The following CHID1 variants were observed in gnomAD, a reference collection of about 807,000 sequenced individuals.
CHID1 encodes the protein chitinase domain-containing protein 1.
Under a neutral mutation model 55.4 loss-of-function variants are expected in CHID1, and 44 were observed. The observed-to-expected ratio is 0.79, with a 90% CI of 0.62 to 1.02. The LOEUF is 1.02. Among genes scored for constraint, CHID1 ranks in the 50% least tolerant of loss-of-function variants. The pLI is 0.00. For synonymous variants in CHID1, 216 were observed against 212.9 expected (o/e 1.01, Z -0.13); for missense variants, 491 against 515.3 (o/e 0.95, Z 0.46).
At chr11:912,196 T>C (rs933701259), upstream of CHID1, among the ~76,000 whole-genome samples, 3 of 152,156 alleles carry the variant, frequency 2.0e-5, no homozygotes, top group Non-Finnish European at 2.9e-5. Context: ...CGCATGCCTG[T>C]AATCCCAGCT....
At position 904,918 on chromosome 11, in the gene CHID1, C is replaced by A. The variant is rs374029664; in HGVS notation, c.-43-59G>T. The A allele has an allele frequency of 4.7e-5, 74 of 1,567,454 alleles. No individual in the cohort carries two copies. The African/African-American group carries it at 9.1e-4, about 19-fold the overall frequency. ...GCAGAGAAATGCAGCACATGGGCAA[C>A]CCCTCTGCTGATGGGGCCACTTTCT... On this transcript the variant is annotated intron_variant, in intron 1 of 12. Coordinates refer to ENST00000323578, the MANE Select transcript of CHID1 (RefSeq NM_023947.4).
intron 8 of CHID1, among the ~76,000 whole-genome samples, chr11:889,546 C>G (rs1351819126): frequency 6.6e-6 from 1 of 152,182 alleles, no homozygotes; most frequent in Non-Finnish European, 1.5e-5. Context: ...AGCCACCCAG[C>G]AGGGGAGAGC....
intron 10 of CHID1, among the ~76,000 whole-genome samples, chr11:878,410 A>G (rs1000775507): frequency 1.3e-5 from 2 of 151,954 alleles, no homozygotes; most frequent in African/African-American, 4.8e-5. Context: ...CTCAAAAAAA[A>G]CAAAACAAAA....
At chr11:896,920 CG>C (rs1851365495) in intron 7 of CHID1, among the ~76,000 whole-genome samples, 4 of 76,942 alleles carry the variant, frequency 5.2e-5, no homozygotes, top group South Asian at 7.8e-4. Context: ...ACCCCAGACA[CG>C]AGCCTGTCTC....
At chr11:870,585 A>C in intron 10 of CHID1, 86 bp from the exon 11 acceptor site, 1 of 982,000 alleles carries the variant, frequency 1.0e-6, no homozygotes, top group Non-Finnish European at 1.6e-6. Context: ...GGCTCTCAGC[A>C]GGGGCAGGGC....
At chr11:897,780 G>A (rs1230093699) in intron 7 of CHID1, among the ~76,000 whole-genome samples, 2 of 152,236 alleles carry the variant, frequency 1.3e-5, no homozygotes, top group Non-Finnish European at 2.9e-5. Context: ...ACACTGAGGG[G>A]TGCTGGCTGA....
intron 7 of CHID1, among the ~76,000 whole-genome samples, chr11:898,523 C>T (rs1219113902): frequency 2.0e-5 from 3 of 152,238 alleles, no homozygotes; most frequent in Non-Finnish European, 2.9e-5. Flanking sequence ...ATGTCGAGGA[C>T]GCCCCCTACC....
intron 1 of CHID1, among the ~76,000 whole-genome samples, chr11:907,712 G>T (rs2134372661): frequency 6.6e-6 from 1 of 152,272 alleles, no homozygotes; most frequent in African/African-American, 2.4e-5. Flanking sequence ...GACAGGTGGG[G>T]AGCTCAGCCC....
intron 10 of CHID1, among the ~76,000 whole-genome samples, chr11:879,383 G>A (rs1056451912): frequency 1.7e-5 from 2 of 115,794 alleles, no homozygotes; most frequent in African/African-American, 6.9e-5. Context: ...AGTCTTTCAA[G>A]ACGTGATTAA....
In CHID1 at chr11:890,865, C is replaced by T. The variant is rs531547125; in HGVS notation, c.701+2562G>A. Among the ~76,000 whole-genome samples the T allele has an allele frequency of 5.9e-5, 9 of 152,234 alleles. No homozygotes were observed. In the South Asian group the frequency reaches 8.3e-4, roughly 14 times the overall value. ...TGCCTCTGTCTGCTGACGAAGGACACGATAAAATTGGCATTTGGCGACTGG... is the reference window on the plus strand; with the variant it reads ...TGCCTCTGTCTGCTGACGAAGGACATGATAAAATTGGCATTTGGCGACTGG... On this transcript the variant is annotated intron_variant, in intron 8 of 12. Coordinates refer to ENST00000323578, the MANE Select transcript of CHID1 (RefSeq NM_023947.4).
At chr11:915,095 G>A (rs1039923959), upstream of CHID1, 1 of 153,896 alleles carries the variant, frequency 6.5e-6, no homozygotes, top group African/African-American at 2.4e-5. Flanking sequence ...CCTGTGGACG[G>A]AGACATCCTC....
intron 10 of CHID1, among the ~76,000 whole-genome samples, chr11:872,827 G>C (rs537570350): frequency 6.6e-6 from 1 of 152,316 alleles, no homozygotes; most frequent in African/African-American, 2.4e-5. Context: ...GCTGTGGGGA[G>C]CTCTGGCCAC....
chr11:871,301 T>A (rs1262353106), intron 10 of CHID1, among the ~76,000 whole-genome samples: 1 of 152,086 alleles, frequency 6.6e-6, no homozygotes, highest in Non-Finnish European at 1.5e-5. Flanking sequence ...TCTGCACCCT[T>A]TCAAAGACTG....
intron 8 of CHID1, among the ~76,000 whole-genome samples, chr11:887,321 C>T (rs564189550): frequency 1.4e-4 from 21 of 152,358 alleles, no homozygotes; most frequent in African/African-American, 4.1e-4. Context: ...TACCTCCACA[C>T]GCAGCCCGTC....
rs552920405 is a variant in CHID1, at chr11:899,392, A to C, written c.556T>G (p.Phe186Val). Residue 186 changes from phenylalanine (F) to valine (V), a missense_variant, in exon 7 of 13, where the codon TTC (phenylalanine) becomes GTC (valine). Transcript: ENST00000323578. ...TVVQVAKNQH[F>V]DGFVVEVWNQ... ...CAGACCTCCACCACGAAGCCATCGA[A>C]ATGCTGGTTCTGAAAGAAGCAGTCA... 2.3e-5 allele frequency: 37 copies of C among 1,602,282 alleles called. No individual in the cohort carries two copies. Among genetic ancestry groups the C allele is most frequent in the African/African-American group, 1.3e-4 (10 of 74,828 alleles).
At chr11:890,909 A>G (rs1282190623) in intron 8 of CHID1, among the ~76,000 whole-genome samples, 1 of 152,116 alleles carries the variant, frequency 6.6e-6, no homozygotes, top group African/African-American at 2.4e-5. Context: ...TCCCCGCAGC[A>G]CGCAGACCTC....
At position 900,951 on chromosome 11, in the gene CHID1, T is replaced by C. The variant is rs769085275; in HGVS notation, c.424A>G (p.Lys142Glu). The change falls in exon 5 of 13, where the codon AAG becomes GAG. Residue 142 changes from lysine to glutamate, a missense_variant. Physicochemically the swap from Lys to Glu is moderately conservative, Grantham distance 56 (BLOSUM62 1). Coordinates refer to ENST00000323578, the MANE Select transcript of CHID1 (RefSeq NM_023947.4). ...CCGCACTTACCTATGTGCAGGCCCT[T>C]GGCATGCTTCCTGACAGCTCGCATC... ...GWMRAVRKHA[K>E]GLHIVPRLLF... 6.2e-7 allele frequency: 1 copy of C among 1,603,400 alleles called. No homozygotes were observed. The highest frequency in any genetic ancestry group is 1.1e-5 in the South Asian group (1 of 89,360).
At chr11:901,262 G>A (rs1488335897) in intron 4 of CHID1, among the ~76,000 whole-genome samples, 1 of 152,164 alleles carries the variant, frequency 6.6e-6, no homozygotes, top group Non-Finnish European at 1.5e-5. Flanking sequence ...GCCTGTGGCC[G>A]GCCAGGGGAA....
chr11:877,237 T>C (rs887646604), intron 10 of CHID1, among the ~76,000 whole-genome samples: 13 of 152,142 alleles, frequency 8.5e-5, no homozygotes, highest in Non-Finnish European at 1.6e-4. Context: ...AGAACAATCA[T>C]GGGTGGGTGC....
Sources: allele counts gnomAD v4.1 joint callset (sites outside exome capture counted in the v4.1 genomes callset), GRCh38; gene constraint gnomAD v4.1.1; transcripts MANE v1.5; gene names NCBI Gene and HGNC (gene_info 2026-07-23, HGNC 2026-07-21).